The following DHX38 variants were observed in gnomAD, a reference collection of about 807,000 sequenced individuals.
DHX38 encodes pre-mRNA-splicing factor ATP-dependent RNA helicase PRP16.
A neutral mutation model predicts 153.1 loss-of-function variants in DHX38; 100 were observed. The observed-to-expected ratio is 0.65, with a 90% CI of 0.56 to 0.77. DHX38 has a LOEUF of 0.77. DHX38 is among the 30% of genes least tolerant of loss of function. DHX38 has a pLI of 0.00. For synonymous variants in DHX38, 650 were observed against 631.7 expected (o/e 1.03, Z -0.43); for missense variants, 1,440 against 1,654.0 (o/e 0.87, Z 2.24).
intron 26 of DHX38, among the ~76,000 whole-genome samples, chr16:72,111,897 CAG>C (rs1175188295): frequency 6.6e-6 from 1 of 152,204 alleles, no homozygotes; most frequent in Non-Finnish European, 1.5e-5. Context: ...GCACGTGGCT[CAG>C]AGCACCAGTG....
Position 72,108,312 on chromosome 16 carries a change from A to AAT in DHX38, c.3050_3051insAT (p.Trp1018CysfsTer41). 1 of 1,614,140 alleles carries AAT rather than the reference A, an allele frequency of 6.2e-7. No individual in the cohort carries two copies. The highest frequency in any genetic ancestry group is 8.5e-7 in the Non-Finnish European group (1 of 1,180,044). On this transcript the variant is annotated frameshift_variant, in exon 22 of 27. Transcript: ENST00000268482. LOFTEE classifies it high-confidence loss of function. ...TTGACCTACCTGAATGTTTACCTGC[A>AAT]GTGGAAGAACAATAATTACTCCACC...
chr16:72,100,081 C>G (rs931714754), intron 8 of DHX38, among the ~76,000 whole-genome samples, 194 bp downstream of exon 8: 1 of 152,120 alleles, frequency 6.6e-6, no homozygotes, highest in Non-Finnish European at 1.5e-5. Flanking sequence ...TCGTACTTCT[C>G]TCTTTTGCAG....
At chr16:72,101,297 T>G in intron 10 of DHX38, 104 bp downstream of exon 10, 1 of 1,332,008 alleles carries the variant, frequency 7.5e-7, no homozygotes, top group Non-Finnish European at 1.0e-6. Flanking sequence ...AGGAGTCCCC[T>G]CTATCAAGTC....
chr16:72,103,305 G>A, intron 12 of DHX38, 94 bp downstream of exon 12: 1 of 1,486,736 alleles, frequency 6.7e-7, no homozygotes, highest in South Asian at 1.3e-5. Context: ...TTTGTGCATT[G>A]CACCCAGTGG....
chr16:72,097,025 C>G lies in DHX38; in HGVS notation c.511+16C>G. On this transcript the variant is annotated intron_variant, in intron 3 of 26. Transcript: ENST00000268482. ...AGGGACAGAGGTAAACTGTCCAGCACAGTTCCTATTGTCCATTAGCATTCG... is the reference window on the plus strand; with the variant it reads ...AGGGACAGAGGTAAACTGTCCAGCAGAGTTCCTATTGTCCATTAGCATTCG... The G allele has an allele frequency of 6.2e-7, 1 of 1,603,082 alleles. No homozygotes were observed. Among genetic ancestry groups the G allele is most frequent in the Non-Finnish European group, 8.5e-7 (1 of 1,173,094 alleles).
chr16:72,095,893 G>GT (rs2042008297), intron 1 of DHX38, among the ~76,000 whole-genome samples: 3 of 141,138 alleles, frequency 2.1e-5, no homozygotes, highest in Non-Finnish European at 3.2e-5. Context: ...GGAATGTATG[G>GT]GGTGTGTGTG....
intron 11 of DHX38, 107 bp downstream of exon 11, chr16:72,101,719 C>T (rs2042104263): frequency 8.9e-6 from 7 of 783,326 alleles, no homozygotes; most frequent in Middle Eastern, 3.6e-4. Flanking sequence ...GTGGGAGACT[C>T]TTAGGATACC....
At chr16:72,099,322 C>G (rs1184991184) in intron 7 of DHX38, 42 bp downstream of exon 7, 1 of 1,527,474 alleles carries the variant, frequency 6.5e-7, no homozygotes, top group South Asian at 1.3e-5. Flanking sequence ...GGGCTGGTGG[C>G]CGTCTGTAGA....
In DHX38 at chr16:72,096,950, A is replaced by G; in HGVS notation, c.452A>G (p.Glu151Gly). The G allele has an allele frequency of 1.9e-6, 3 of 1,614,060 alleles. No homozygotes were observed. The highest frequency in any genetic ancestry group is 1.1e-5 in the South Asian group (1 of 91,078). The stretch of plus-strand genomic sequence containing the variant: ...GGTGTCTATGCCTCGTCCAAAGAAG[A>G]AAAGGATTGGAAGAAGGAGAAATCG... ...EHGVYASSKEEKDWKKEKSRD... is the reference protein window; with the variant it reads ...EHGVYASSKEGKDWKKEKSRD... The change falls in exon 3 of 27, where the codon GAA (glutamate) becomes GGA (glycine). Residue 151 changes from glutamate to glycine, a missense_variant. Around this residue, in one of 6 missense-constraint regions of DHX38, gnomAD observed 483 missense variants for 465.1 expected, o/e 1.04. Coordinates refer to ENST00000268482, the MANE Select transcript of DHX38 (RefSeq NM_014003.4).
In DHX38 at chr16:72,105,344, A is replaced by G. The variant is rs2042160178; in HGVS notation, c.2375A>G (p.Gln792Arg). 1.2e-6 allele frequency: 2 copies of G among 1,613,982 alleles called. No homozygotes were observed. The highest frequency in any genetic ancestry group is 1.3e-5 in the African/African-American group (1 of 74,918). ...LPSDLQAKIF[Q>R]KAPDGVRKCI... Reference sequence around the variant, plus strand: ...TCTGACCTCCAGGCCAAAATCTTCCAGAAGGTGTGTCAGCAGGAATGTCCA... The same window carrying G: ...TCTGACCTCCAGGCCAAAATCTTCCGGAAGGTGTGTCAGCAGGAATGTCCA... Residue 792 changes from glutamine (Q) to arginine (R), a missense_variant, in exon 17 of 27, where the codon CAG becomes CGG. Gln to Arg is a conservative substitution (Grantham distance 43). Coordinates refer to ENST00000268482, the MANE Select transcript of DHX38 (RefSeq NM_014003.4).
intron 12 of DHX38, 36 bp downstream of exon 12, chr16:72,103,247 G>T: frequency 1.2e-6 from 2 of 1,603,304 alleles, no homozygotes; most frequent in Non-Finnish European, 1.7e-6. Flanking sequence ...CTAGTGTCAA[G>T]TCAGGGGTGC....
chr16:72,103,669 C>G lies in DHX38; in HGVS notation c.1705C>G (p.Leu569Val), dbSNP rs767675217. The change falls in exon 13 of 27, where the codon CTG becomes GTG. Residue 569 changes from leucine (L) to valine (V), a missense_variant. Around this residue, in one of 6 missense-constraint regions of DHX38, gnomAD observed 241 missense variants for 229.5 expected, o/e 1.05. Coordinates refer to ENST00000268482, the MANE Select transcript of DHX38 (RefSeq NM_014003.4). ...SGKTTQLTQY[L>V]HEDGYTDYGM... ...TAAGACCACTCAGCTGACGCAGTAC[C>G]TGCATGAAGATGGTTACACGGACTA... 6.2e-7 allele frequency: 1 copy of G among 1,614,086 alleles called. No individual in the cohort carries two copies. The highest frequency in any genetic ancestry group is 1.1e-5 in the South Asian group (1 of 91,082).
chr16:72,095,595 G>T (rs2042002227), intron 1 of DHX38, among the ~76,000 whole-genome samples: 2 of 152,136 alleles, frequency 1.3e-5, no homozygotes, highest in South Asian at 4.1e-4. Flanking sequence ...ACTCTTTATG[G>T]TTTCACATAC....
At chr16:72,096,524 G>T (rs2042021236) in intron 2 of DHX38, 44 bp downstream of exon 2, 1 of 1,531,332 alleles carries the variant, frequency 6.5e-7, no homozygotes, top group Non-Finnish European at 8.8e-7. Flanking sequence ...AGCGAACGGA[G>T]GCTGGAAAAT....
At position 72,108,802 on chromosome 16, in the gene DHX38, A is replaced by G. The variant is rs1222484140; in HGVS notation, c.3258A>G (p.Gly1086=). 4.3e-6 allele frequency: 7 copies of G among 1,612,648 alleles called. No homozygotes were observed. Among genetic ancestry groups the G allele is most frequent in the East Asian group, 2.2e-5 (1 of 44,892 alleles). ...TGCCTGTTGTGTCTCCTCCCTAGGG[A>G]ATCGGGGAGTACGTGAACATCCGCA... ...AYFHQAAKLK[G]IGEYVNIRTG... is the part of the protein sequence containing the mutation. Residue 1086 remains glycine, a splice_region_variant and synonymous_variant, in exon 24 of 27, where the codon GGA becomes GGG. Transcript: ENST00000268482.
At chr16:72,108,425 C>T (rs775140928) in intron 22 of DHX38, 43 bp downstream of exon 22, 5 of 1,613,348 alleles carry the variant, frequency 3.1e-6, no homozygotes, top group South Asian at 1.1e-5. Context: ...AGGGGAGGGT[C>T]GAGAGGAAAG....
Position 72,101,156 on chromosome 16 carries a change from C to G in DHX38, c.1349C>G (p.Thr450Arg). The change falls in exon 10 of 27, where the codon ACA becomes AGA. Residue 450 changes from threonine (T) to arginine (R), a missense_variant. Transcript: ENST00000268482. Reference sequence around the variant, plus strand: ...ATCATTGCTCGGAAAGGCAGCCAGACAGTGCGGAAGCACAGGGAGCAGAAG... The same window carrying G: ...ATCATTGCTCGGAAAGGCAGCCAGAGAGTGCGGAAGCACAGGGAGCAGAAG... ...LAIIARKGSQTVRKHREQKER... is the reference protein window; with the variant it reads ...LAIIARKGSQRVRKHREQKER... 1 of 1,614,290 alleles carries G rather than the reference C, an allele frequency of 6.2e-7. No homozygotes were observed. Among genetic ancestry groups the G allele is most frequent in the African/African-American group, 1.3e-5 (1 of 75,082 alleles).
chr16:72,104,486 G>A lies in DHX38; in HGVS notation c.2011G>A (p.Val671Ile). 6.2e-7 allele frequency: 1 copy of A among 1,613,750 alleles called. No homozygotes were observed. Among genetic ancestry groups the A allele is most frequent in the Middle Eastern group, 1.7e-4 (1 of 5,986 alleles). The change falls in exon 15 of 27, where the codon GTA becomes ATA. Residue 671 changes from valine (V) to isoleucine (I), a missense_variant and splice_region_variant. Physicochemically the swap from Val to Ile is conservative, Grantham distance 29. Coordinates refer to ENST00000268482, the MANE Select transcript of DHX38 (RefSeq NM_014003.4). This position sits in a 1 kb window ranked among gnomAD's most constrained non-coding sequence, Gnocchi z 4.5. ...TDVLFGLLRE[V>I]VARRSDLKLI... ...GCCTCCGAGCCGCCTCTTCTCTCAG[G>A]TAGTGGCTCGGCGCTCAGACCTGAA...
chr16:72,109,345 A>T, intron 24 of DHX38, 70 bp from the exon 25 acceptor site: 2 of 1,549,208 alleles, frequency 1.3e-6, no homozygotes, highest in Non-Finnish European at 1.8e-6. Flanking sequence ...GTGGCTCCTA[A>T]TTGTGGAACC....
Sources: gnomAD v4.1 joint callset for allele counts (sites outside exome capture counted in the v4.1 genomes callset) on GRCh38, gnomAD v4.1.1 for gene constraint, gnomAD v4.1.1 regional missense constraint, Gnocchi (gnomAD v3.1) non-coding constraint, MANE v1.5 for transcripts, NCBI Gene and HGNC (gene_info 2026-07-23, HGNC 2026-07-21) for gene names.